MCF2: variants seen among roughly 807,000 people sequenced by gnomAD.
MCF2 encodes the protein proto-oncogene DBL.
A neutral mutation model predicts 82.5 loss-of-function variants in MCF2; 44 were observed. The ratio of observed to expected loss-of-function variants is 0.53; its 90% CI spans 0.42 to 0.69. The LOEUF (loss-of-function observed/expected upper bound fraction) is 0.69, where lower values mean the gene tolerates loss of function less well. MCF2 is among the 30% of genes least tolerant of loss of function. MCF2 has a pLI of 0.00. For synonymous variants in MCF2, 217 were observed against 224.9 expected (o/e 0.96, Z 0.32); for missense variants, 623 against 663.1 (o/e 0.94, Z 0.66).
chrX:139,616,493 G>T lies in MCF2; in HGVS notation c.1000-20C>A. 1 of 780,862 alleles carries T rather than the reference G, an allele frequency of 1.3e-6. No homozygotes were observed. The highest frequency in any genetic ancestry group is 2.2e-5 in the African/African-American group (1 of 44,933). 64.4% of individuals were successfully genotyped at this position (780,862 alleles called of 1,213,427 possible). A position where few individuals can be genotyped will look rare whatever the true frequency, so the allele number is the denominator to read the frequency against. On this transcript the variant is annotated intron_variant, in intron 8 of 24. Coordinates refer to ENST00000370576, the Ensembl canonical transcript of MCF2. ...ACGAGCCTGGTAAGAAAATCAAGAA[G>T]AAAAAAAAAAAATATGAATTAATAA... is the stretch of plus-strand genomic sequence containing the variant.
rs1374860081 is a variant in MCF2 at position 139,594,165 on chromosome X, G to C, written c.2277+2384C>G. 1.2e-4 allele frequency among the ~76,000 whole-genome samples: 13 copies of C among 109,592 alleles called. No individual in the cohort carries two copies. The South Asian group carries it at 1.2e-3, about 10-fold the overall frequency. ...GCCATACTGCCCAAGGTAATTTATA[G>C]ATTCAATGCCATCCCCATCAAGCTA... is the stretch of plus-strand genomic sequence containing the variant. On this transcript the variant is annotated intron_variant, in intron 19 of 24. Coordinates refer to ENST00000370576, the Ensembl canonical transcript of MCF2.
chrX:139,634,280 A>G (rs1933074419), intron 1 of MCF2, among the ~76,000 whole-genome samples: 1 of 112,251 alleles, frequency 8.9e-6, no homozygotes, highest in Admixed American at 9.5e-5. Context: ...AAACAAAACT[A>G]TAAACTAAGA....
intron 1 of MCF2, among the ~76,000 whole-genome samples, chrX:139,700,929 G>C (rs1935480967): frequency 9.0e-6 from 1 of 111,504 alleles, no homozygotes; most frequent in South Asian, 3.8e-4. Flanking sequence ...GTGCTGTGAA[G>C]GGTAGGAGTG....
At chrX:139,670,339 T>A (rs749245828) in intron 1 of MCF2, among the ~76,000 whole-genome samples, 394 of 111,543 alleles carry the variant, frequency 3.5e-3, no homozygotes, top group Middle Eastern at 0.014. Context: ...ATACTTTAAG[T>A]TCTAGGGCAC....
intron 4 of MCF2, among the ~76,000 whole-genome samples, chrX:139,627,994 A>T (rs751427387): frequency 3.6e-5 from 4 of 112,146 alleles, no homozygotes; most frequent in Non-Finnish European, 7.5e-5. Flanking sequence ...TGGAGAGGCT[A>T]CAGAGAAAAG....
intron 1 of MCF2, chrX:139,692,080 C>G: frequency 8.6e-6 from 10 of 1,164,947 alleles, no homozygotes; most frequent in Non-Finnish European, 9.2e-6. Flanking sequence ...GGGATCCTGC[C>G]GCAGGACACT....
intron 1 of MCF2, among the ~76,000 whole-genome samples, chrX:139,686,234 C>T (rs1935120814): frequency 9.0e-6 from 1 of 111,418 alleles, no homozygotes; most frequent in African/African-American, 3.3e-5. Flanking sequence ...TTTCACCACT[C>T]TTATTCAAGA....
chrX:139,660,463 G>C (rs1251815518), intron 1 of MCF2, among the ~76,000 whole-genome samples: 1 of 112,269 alleles, frequency 8.9e-6, no homozygotes, highest in Non-Finnish European at 1.9e-5. Context: ...GGTTTTGTTT[G>C]AGTCCTAAAT....
At chrX:139,689,359 G>T (rs1426379196) in intron 1 of MCF2, among the ~76,000 whole-genome samples, 1 of 111,820 alleles carries the variant, frequency 8.9e-6, no homozygotes, top group Admixed American at 9.5e-5. Context: ...CCATAGTAAG[G>T]GCATCATTCC....
At chrX:139,703,872 G>T (rs139405682) in intron 1 of MCF2, among the ~76,000 whole-genome samples, 2,423 of 111,651 alleles carry the variant, frequency 0.022, 33 homozygotes, top group Non-Finnish European at 0.034. Flanking sequence ...TATTAAAAGG[G>T]CCTATCAAAT....
Position 139,619,602 on chromosome X carries a change from T to G in MCF2, c.792A>C (p.Leu264Phe), listed in dbSNP as rs759639000. ...ACAATCTTACCTGAGAATTTTCATC[T>G]AAGTTTTCCAATTTTTTTATTTTTT... is the stretch of plus-strand genomic sequence containing the variant. Residue 264 changes from leucine to phenylalanine, a missense_variant, in exon 7 of 25, where the codon TTA becomes TTC. Physicochemically the swap from Leu to Phe is conservative, Grantham distance 22. Transcript: ENST00000370576. 8.7e-7 allele frequency: 1 copy of G among 1,152,416 alleles called. No individual in the cohort carries two copies. The highest frequency in any genetic ancestry group is 1.2e-6 in the Non-Finnish European group (1 of 849,524). The allele number at this position is 1,152,416 out of a possible 1,213,427, so 95.0% of individuals were successfully genotyped here.
intron 1 of MCF2, among the ~76,000 whole-genome samples, chrX:139,704,266 GAAAT>G (rs1446684416): frequency 8.9e-6 from 1 of 111,882 alleles, no homozygotes; most frequent in Non-Finnish European, 1.9e-5. Flanking sequence ...GCAAGAGAAA[GAAAT>G]AAAAAGCATC....
At chrX:139,612,287 G>A (rs1212029873) in intron 10 of MCF2, among the ~76,000 whole-genome samples, 1 of 110,672 alleles carries the variant, frequency 9.0e-6, no homozygotes, top group Admixed American at 9.6e-5. Flanking sequence ...TCTGAGGTAT[G>A]TTGAGTCTGA....
chrX:139,582,202 T>C, exon 25 of MCF2: 1 of 393,719 alleles, frequency 2.5e-6, no homozygotes, highest in Non-Finnish European at 4.4e-6. Flanking sequence ...GAAGAAATAA[T>C]TTTCAAGTCC....
chrX:139,642,346 T>C (rs1202363927), intron 1 of MCF2: 1 of 924,166 alleles, frequency 1.1e-6, no homozygotes, highest in East Asian at 3.1e-5. Context: ...AATATAAGTC[T>C]CCATTCTCTC....
intron 1 of MCF2, among the ~76,000 whole-genome samples, chrX:139,638,938 CTT>C (rs1933395920): frequency 9.0e-6 from 1 of 111,158 alleles, no homozygotes; most frequent in South Asian, 3.8e-4. Flanking sequence ...ATAGAGAGTA[CTT>C]TTTCTCTATA....
chrX:139,619,104 C>A lies in MCF2; in HGVS notation c.807+483G>T, dbSNP rs893883877. Among the ~76,000 whole-genome samples, 4 of 110,850 alleles carry A rather than the reference C, an allele frequency of 3.6e-5. No individual in the cohort carries two copies. In the Admixed American group the frequency reaches 3.9e-4, roughly 11 times the overall value. On this transcript the variant is annotated intron_variant, in intron 7 of 24. Coordinates refer to ENST00000370576, the Ensembl canonical transcript of MCF2. ...TTAAGGAATTATGTTCTTGTATGTT[C>A]CCATCATTTCCAAGCACCATATATC...
intron 2 of MCF2, 150 bp downstream of exon 2, chrX:139,651,570 T>G: frequency 2.8e-6 from 1 of 359,135 alleles, no homozygotes; most frequent in South Asian, 9.1e-5. Context: ...AGGTGCACAA[T>G]GTACAAATGT....
intron 1 of MCF2, among the ~76,000 whole-genome samples, chrX:139,657,112 C>A (rs1179657504): frequency 8.9e-6 from 1 of 112,116 alleles, no homozygotes; most frequent in African/African-American, 3.2e-5. Context: ...TGGAGCAAAT[C>A]TTCATTTTAA....
Sources: allele counts gnomAD v4.1 joint callset (sites outside exome capture counted in the v4.1 genomes callset), GRCh38; gene constraint gnomAD v4.1.1; transcripts MANE v1.5; gene names NCBI Gene and HGNC (gene_info 2026-07-23, HGNC 2026-07-21).